Variants in ZNF99 observed in about 807,000 individuals in gnomAD.
ZNF99 encodes zinc finger protein 99.
Under a neutral mutation model 12.8 loss-of-function variants are expected in ZNF99, and 8 were observed. That is an observed-to-expected ratio of 0.62 (90% CI 0.37 to 1.13). The LOEUF (loss-of-function observed/expected upper bound fraction) is 1.13. ZNF99 is among the 50% of genes most tolerant of loss of function. The pLI is 0.02. For missense variants in ZNF99, 1,007 were observed against 1,006.2 expected, an observed-to-expected ratio of 1.00 and a Z score of -0.01; for synonymous variants, 318 against 319.0, an observed-to-expected ratio of 1.00 and a Z score of 0.03.
intron 1 of ZNF99, among the ~76,000 whole-genome samples, chr19:22,776,598 A>G (rs1200890076): frequency 1.3e-5 from 2 of 151,816 alleles, no homozygotes; most frequent in African/African-American, 2.4e-5. Context: ...GCAGTTGCAG[A>G]GAAAAGCGTA....
chr19:22,762,451 C>T (rs1421590284), intron 3 of ZNF99, among the ~76,000 whole-genome samples: 1 of 151,948 alleles, frequency 6.6e-6, no homozygotes, highest in East Asian at 1.9e-4. Context: ...GAATTAGATA[C>T]CCTGAACAGA....
In ZNF99 at chr19:22,754,222, C is replaced by A. The variant is rs1022635374; in HGVS notation, c.*3092G>T. ...TCTCTACTAAAAATACAAAAATTAGCTGGGCGTGGTGGCAGGCGCCTGCAA... is the reference window on the plus strand; with the variant it reads ...TCTCTACTAAAAATACAAAAATTAGATGGGCGTGGTGGCAGGCGCCTGCAA... On this transcript the variant is annotated 3_prime_UTR_variant, in exon 4 of 4. Transcript: ENST00000596209. 5.9e-5 allele frequency: 26 copies of A among 439,518 alleles called. No individual in the cohort carries two copies. Among genetic ancestry groups the A allele is most frequent in the Non-Finnish European group, 1.1e-4 (25 of 218,332 alleles). 27.2% of individuals were successfully genotyped at this position (439,518 alleles called of 1,614,324 possible). A position where few individuals can be genotyped will look rare whatever the true frequency, so the allele number is the denominator to read the frequency against.
intron 1 of ZNF99, chr19:22,769,888 T>G: frequency 7.4e-7 from 1 of 1,356,772 alleles, no homozygotes; most frequent in South Asian, 1.2e-5. Flanking sequence ...GATAATAAAG[T>G]ATAAAATTAA....
chr19:22,782,774 C>T lies in ZNF99; in HGVS notation c.3+1240G>A, dbSNP rs1973403708. Among the ~76,000 whole-genome samples the T allele has an allele frequency of 2.7e-5, 4 of 149,538 alleles. No homozygotes were observed. The South Asian group carries it at 8.7e-4, about 32-fold the overall frequency. On this transcript the variant is annotated intron_variant, in intron 1 of 3. Transcript: ENST00000596209. ...GCAACCTCTGCCTCCCGGGTTCAAG[C>T]GATTATCTGCCTCAGCCTCCCGAGA...
In ZNF99 at chr19:22,755,955, G is replaced by A. The variant is rs1353877495; in HGVS notation, c.*1359C>T. The A allele has an allele frequency of 1.1e-5, 5 of 466,270 alleles. No homozygotes were observed. Among genetic ancestry groups the A allele is most frequent in the Non-Finnish European group, 1.2e-5 (3 of 255,438 alleles). 28.9% of individuals were successfully genotyped at this position (466,270 alleles called of 1,614,324 possible). A position where few individuals can be genotyped will look rare whatever the true frequency, so the allele number is the denominator to read the frequency against. On this transcript the variant is annotated 3_prime_UTR_variant, in exon 4 of 4. Transcript: ENST00000596209. ...CTTTGTCACCTTTATTATATTTGTA[G>A]GGTTTTCCTCCAGTATCAATTATTT...
In ZNF99 at chr19:22,769,139, A is replaced by G. The variant is rs1973237196; in HGVS notation, c.130+59T>C. On this transcript the variant is annotated intron_variant, in intron 2 of 3. Transcript: ENST00000596209. ...TAAATCACCAAAACACATCCTACAG[A>G]AAAGAGAAATGAAACCTATAGAATA... 1.0e-5 allele frequency: 16 copies of G among 1,542,846 alleles called. No homozygotes were observed. In the South Asian group the frequency reaches 1.3e-4, roughly 12 times the overall value.
chr19:22,782,338 T>TAGAG (rs1973396512), intron 1 of ZNF99, among the ~76,000 whole-genome samples: 1 of 151,476 alleles, frequency 6.6e-6, no homozygotes, highest in Admixed American at 6.6e-5. Context: ...GAGGTGGCTC[T>TAGAG]AGTGCCTGAT....
rs1229724287 is a variant in ZNF99, at chr19:22,756,099, C to T, written c.*1215G>A. Reference sequence around the variant, plus strand: ...TTAAGGCTTGAGGACTGGTTAAAAGCTTTGCCACATTCTTCACATATGGAG... The same window carrying T: ...TTAAGGCTTGAGGACTGGTTAAAAGTTTTGCCACATTCTTCACATATGGAG... On this transcript the variant is annotated 3_prime_UTR_variant, in exon 4 of 4. Transcript: ENST00000596209. 1.4e-6 allele frequency: 2 copies of T among 1,439,412 alleles called. No homozygotes were observed. Among genetic ancestry groups the T allele is most frequent in the Non-Finnish European group, 9.3e-7 (1 of 1,072,638 alleles). The allele number at this position is 1,439,412 out of a possible 1,614,324, so 89.2% of individuals were successfully genotyped here. A position where few individuals can be genotyped will look rare whatever the true frequency, so the allele number is the denominator to read the frequency against.
At chr19:22,767,868 G>A (rs1013450041) in intron 3 of ZNF99, among the ~76,000 whole-genome samples, 1 of 152,146 alleles carries the variant, frequency 6.6e-6, no homozygotes, top group Admixed American at 6.5e-5. Context: ...TCTGTTTCTG[G>A]TGTGTTCTCA....
chr19:22,782,661 C>CTTT (rs71180598), intron 1 of ZNF99, among the ~76,000 whole-genome samples: 2,192 of 86,584 alleles, frequency 0.025, 232 homozygotes, highest in African/African-American at 0.091. Context: ...CGCACCTGGC[C>CTTT]TTTTTTTTTT....
rs374510170 is a variant in ZNF99, at chr19:22,757,859, T to C, written c.2050A>G (p.Lys684Glu). 2.0e-5 allele frequency: 32 copies of C among 1,612,926 alleles called. No homozygotes were observed. In the African/African-American group the frequency reaches 3.1e-4, roughly 15 times the overall value. The change falls in exon 4 of 4, where the codon AAG becomes GAG. Residue 684 changes from lysine (K) to glutamate (E), a missense_variant. Lys to Glu is a moderately conservative substitution (Grantham distance 56). Transcript: ENST00000596209. ...AGGGCTGAGAAATGGTTAAAAGCCT[T>C]GCCACATTCTTCACATTTGTAGGGT... ...EKPYKCEECG[K>E]AFNHFSALRK...
At chr19:22,771,414 C>A (rs1431352568) in intron 1 of ZNF99, among the ~76,000 whole-genome samples, 2 of 151,306 alleles carry the variant, frequency 1.3e-5, no homozygotes, top group Non-Finnish European at 2.9e-5. Context: ...CGCCACCACG[C>A]CCGGCTAATT....
chr19:22,783,981 C>G, intron 1 of ZNF99, 33 bp downstream of exon 1: 5 of 1,613,846 alleles, frequency 3.1e-6, no homozygotes, highest in Non-Finnish European at 4.2e-6. Flanking sequence ...CAGCCCCTTC[C>G]CCTTCTCAGG....
rs763756268 is a variant in ZNF99, at chr19:22,758,329, T to C, written c.1580A>G (p.His527Arg). The change falls in exon 4 of 4, where the codon CAT (histidine) becomes CGT (arginine). Residue 527 changes from histidine to arginine, a missense_variant. By Grantham distance (29) the His-to-Arg change is conservative. Transcript: ENST00000596209. ...AFKHFSALRK[H>R]KIIHTGKKPY... ...TTTCTTTCCAGTATGAATTATCTTATGTTTTCTAAGGGCTGAGAAATGCTT... is the reference window on the plus strand; with the variant it reads ...TTTCTTTCCAGTATGAATTATCTTACGTTTTCTAAGGGCTGAGAAATGCTT... 9 of 1,613,464 alleles carry C rather than the reference T, an allele frequency of 5.6e-6. No individual in the cohort carries two copies. Among genetic ancestry groups the C allele is most frequent in the African/African-American group, 5.3e-5 (4 of 74,910 alleles).
intron 1 of ZNF99, among the ~76,000 whole-genome samples, chr19:22,777,192 A>T (rs1293846365): frequency 6.6e-6 from 1 of 152,210 alleles, no homozygotes; most frequent in Admixed American, 6.5e-5. Flanking sequence ...CATGGTATAT[A>T]AACATCATGG....
chr19:22,760,426 G>A (rs1478732011), intron 3 of ZNF99, among the ~76,000 whole-genome samples: 3 of 152,114 alleles, frequency 2.0e-5, no homozygotes, highest in Non-Finnish European at 4.4e-5. Flanking sequence ...ACAAAGTACT[G>A]AAAGAAATGG....
At chr19:22,759,804 G>A in intron 3 of ZNF99, 122 bp from the exon 4 acceptor site, 1 of 642,340 alleles carries the variant, frequency 1.6e-6, no homozygotes, top group Non-Finnish European at 2.4e-6. Context: ...AATAAGACAG[G>A]CCCTAATTTC....
At chr19:22,768,736 A>T (rs918240349) in intron 2 of ZNF99, among the ~76,000 whole-genome samples, 13 of 152,258 alleles carry the variant, frequency 8.5e-5, no homozygotes, top group Admixed American at 7.9e-4. Flanking sequence ...AAACATCTTT[A>T]AAAAATTCCT....
At position 22,755,206 on chromosome 19, in the gene ZNF99, T is replaced by A; in HGVS notation, c.*2108A>T. The stretch of plus-strand genomic sequence containing the variant: ...AGCATTGCCACTTTCTTCACATTTG[T>A]AGGGTTTTTCTCCAGTACGAATTTT... On this transcript the variant is annotated 3_prime_UTR_variant, in exon 4 of 4. Coordinates refer to ENST00000596209, the MANE Select transcript of ZNF99 (RefSeq NM_001080409.3). 1 of 278,398 alleles carries A rather than the reference T, an allele frequency of 3.6e-6. No homozygotes were observed. The highest frequency in any genetic ancestry group is 4.4e-5 in the South Asian group (1 of 22,572). 17.2% of individuals were successfully genotyped at this position (278,398 alleles called of 1,614,324 possible). A position where few individuals can be genotyped will look rare whatever the true frequency, so the allele number is the denominator to read the frequency against.
Sources: allele counts gnomAD v4.1 joint callset (sites outside exome capture counted in the v4.1 genomes callset), GRCh38; gene constraint gnomAD v4.1.1; transcripts MANE v1.5; gene names NCBI Gene and HGNC (gene_info 2026-07-23, HGNC 2026-07-21).